The following ARID3A variants were observed in gnomAD, a reference collection of about 807,000 sequenced individuals.
The protein encoded by ARID3A is AT-rich interaction domain 3A, also known as AT-rich interactive domain-containing protein 3A.
A neutral mutation model predicts 52.7 loss-of-function variants in ARID3A; 11 were observed. The observed-to-expected ratio is 0.21, with a 90% CI of 0.13 to 0.35. The LOEUF (loss-of-function observed/expected upper bound fraction) is 0.35, where lower values mean the gene tolerates loss of function less well. ARID3A is among the 10% of genes least tolerant of loss of function. The pLI, the probability that ARID3A is intolerant of heterozygous loss-of-function variation, is 1.00. For missense variants in ARID3A, 721 were observed against 838.5 expected, an observed-to-expected ratio of 0.86 and a Z score of 1.73; for synonymous variants, 404 against 359.4, an observed-to-expected ratio of 1.12 and a Z score of -1.40.
Position 974,976 on chromosome 19 carries a change from G to A in ARID3A, c.*2911G>A. On this transcript the variant is annotated 3_prime_UTR_variant, in exon 9 of 9. Coordinates refer to ENST00000263620, the MANE Select transcript of ARID3A (RefSeq NM_005224.3). Reference sequence around the variant, plus strand: ...TGGGAGGCGGTTGCAGAGGGTCTATGGGGCCCGGTCCTGGATACTCGGCAG... The same window carrying A: ...TGGGAGGCGGTTGCAGAGGGTCTATAGGGCCCGGTCCTGGATACTCGGCAG... 1 of 232,398 alleles carries A rather than the reference G, an allele frequency of 4.3e-6. No individual in the cohort carries two copies. The highest frequency in any genetic ancestry group is 1.8e-4 in the South Asian group (1 of 5,522). The allele number at this position is 232,398 out of a possible 1,614,324, so 14.4% of individuals were successfully genotyped here. A position where few individuals can be genotyped will look rare whatever the true frequency, so the allele number is the denominator to read the frequency against.
At chr19:931,186 C>A (rs2037319614) in intron 2 of ARID3A, among the ~76,000 whole-genome samples, 1 of 151,966 alleles carries the variant, frequency 6.6e-6, no homozygotes, top group African/African-American at 2.4e-5. Context: ...CCCAGCTACT[C>A]GAGAGGCCGA....
chr19:975,823 A>G lies in ARID3A; in HGVS notation c.*3758A>G, dbSNP rs1257251540. 1 of 193,038 alleles carries G rather than the reference A, an allele frequency of 5.2e-6. No homozygotes were observed. The allele number at this position is 193,038 out of a possible 1,614,324, so 12.0% of individuals were successfully genotyped here. ...AGAACACTGAAAGTTTACATTTTAT[A>G]GTAACATTATTATGCAGATTGTATT... On this transcript the variant is annotated 3_prime_UTR_variant, in exon 9 of 9. Transcript: ENST00000263620.
chr19:948,606 G>A (rs111256306), intron 3 of ARID3A, among the ~76,000 whole-genome samples: 6 of 151,386 alleles, frequency 4.0e-5, no homozygotes, highest in Admixed American at 2.0e-4. Context: ...GCTCTGCTCC[G>A]TCTTCATTCC....
intron 3 of ARID3A, among the ~76,000 whole-genome samples, chr19:951,733 T>C (rs1261783648): frequency 6.6e-6 from 1 of 152,194 alleles, no homozygotes; most frequent in Non-Finnish European, 1.5e-5. Flanking sequence ...GACTCAGATC[T>C]ATTGCTGCTG....
intron 3 of ARID3A, among the ~76,000 whole-genome samples, chr19:943,654 G>A (rs1568361743): frequency 2.0e-5 from 3 of 152,208 alleles, no homozygotes; most frequent in Non-Finnish European, 2.9e-5. Context: ...AGGCTGGAGC[G>A]ATGTGGCCAC....
rs751906224 is a variant in ARID3A at position 972,341 on chromosome 19, G to T, written c.*276G>T. 3.7e-5 allele frequency: 8 copies of T among 216,474 alleles called. No homozygotes were observed. The highest frequency in any genetic ancestry group is 4.6e-5 in the Non-Finnish European group (5 of 107,872). The allele number at this position is 216,474 out of a possible 1,614,324, so 13.4% of individuals were successfully genotyped here. On this transcript the variant is annotated 3_prime_UTR_variant, in exon 9 of 9. Coordinates refer to ENST00000263620, the MANE Select transcript of ARID3A (RefSeq NM_005224.3). ...TTGGACATTCAGAGAGATGAATTGT[G>T]AGAACAGCAAAGAAATCCATCAGAA...
rs1181396793 is a variant in ARID3A at position 966,736 on chromosome 19, T to G, written c.1363T>G (p.Ser455Ala). 2 of 1,612,438 alleles carry G rather than the reference T, an allele frequency of 1.2e-6. No individual in the cohort carries two copies. The highest frequency in any genetic ancestry group is 1.7e-6 in the Non-Finnish European group (2 of 1,179,760). ...GGAACAGCTGCGGGAGAAGCTGGAG[T>G]CTGCAGAGCCTCCGGAGAAGAAGAT... ...ALEQLREKLE[S>A]AEPPEKKMAL... is the part of the protein sequence containing the mutation. The change falls in exon 7 of 9, where the codon TCT (serine) becomes GCT (alanine). Residue 455 changes from serine to alanine, a missense_variant. Ser to Ala is a moderately conservative substitution (Grantham distance 99). Transcript: ENST00000263620.
At position 968,421 on chromosome 19, in the gene ARID3A, G is replaced by C; in HGVS notation, c.1512G>C (p.Gln504His). 3.1e-6 allele frequency: 5 copies of C among 1,613,964 alleles called. No homozygotes were observed. Among genetic ancestry groups the C allele is most frequent in the Non-Finnish European group, 4.2e-6 (5 of 1,179,906 alleles). Residue 504 changes from glutamine to histidine, a missense_variant, in exon 8 of 9, where the codon CAG becomes CAC. Transcript: ENST00000263620. ...RINSQASESR[Q>H]DSAVNLTGTN... Reference sequence around the variant, plus strand: ...TTCCCACAGCCTCCGAAAGCCGCCAGGACTCTGCTGTGAACCTGACGGGCA... The same window carrying C: ...TTCCCACAGCCTCCGAAAGCCGCCACGACTCTGCTGTGAACCTGACGGGCA...
At position 959,771 on chromosome 19, in the gene ARID3A, G is replaced by A. The variant is rs1232616442; in HGVS notation, c.694-321G>A. ...AGACGGAGGCAGAGACTGGAGCGCT[G>A]CGGCCACAAGCCAGGACGCACCTTG... On this transcript the variant is annotated intron_variant, in intron 3 of 8. Coordinates refer to ENST00000263620, the MANE Select transcript of ARID3A (RefSeq NM_005224.3). This position sits in a 1 kb window ranked among gnomAD's most constrained non-coding sequence, Gnocchi z 5.0. 6.6e-6 allele frequency among the ~76,000 whole-genome samples: 1 copy of A among 152,148 alleles called. No individual in the cohort carries two copies. Among genetic ancestry groups the A allele is most frequent in the East Asian group, 1.9e-4 (1 of 5,190 alleles).
intron 8 of ARID3A, among the ~76,000 whole-genome samples, chr19:969,095 T>A (rs2038224150): frequency 6.6e-6 from 1 of 152,106 alleles, no homozygotes; most frequent in Non-Finnish European, 1.5e-5. Context: ...GAAAAAAAAT[T>A]TAATGAATGT....
At chr19:970,018 A>G (rs1402887764) in intron 8 of ARID3A, among the ~76,000 whole-genome samples, 7 of 152,034 alleles carry the variant, frequency 4.6e-5, no homozygotes, top group Admixed American at 4.6e-4. Flanking sequence ...TTTTAAATAA[A>G]ATGAATTAAA....
Position 929,784 on chromosome 19 carries a change from C to G in ARID3A, c.256C>G (p.Pro86Ala), listed in dbSNP as rs774786700. 38 of 1,550,222 alleles carry G rather than the reference C, an allele frequency of 2.5e-5. No homozygotes were observed. The highest frequency in any genetic ancestry group is 3.1e-5 in the Non-Finnish European group (36 of 1,152,326). Reference protein sequence around the residue: ...ASPGGSEDGPPGSEEEDAARE... With the variant: ...ASPGGSEDGPAGSEEEDAARE... ...CCCCGGCGGCTCTGAGGATGGGCCC[C>G]CAGGCTCGGAGGAGGAGGACGCGGC... The change falls in exon 2 of 9, where the codon CCA becomes GCA. Residue 86 changes from proline (P) to alanine (A), a missense_variant. Pro to Ala is a conservative substitution (Grantham distance 27, BLOSUM62 -1). Around this residue, in one of 5 missense-constraint regions of ARID3A, gnomAD observed 349 missense variants for 297.3 expected, o/e 1.17. Transcript: ENST00000263620. The surrounding 1 kb of genome is among the most constrained non-coding windows in gnomAD (Gnocchi z 6.2).
rs1417969087 is a variant in ARID3A at position 944,980 on chromosome 19, C to T, written c.693+12238C>T. ...TCCACCACGTCGCCCTGTAATTCTT[C>T]CCTGACGGCCATTTTTCCGGGAGTG... On this transcript the variant is annotated intron_variant, in intron 3 of 8. Transcript: ENST00000263620. The surrounding 1 kb of genome is among the most constrained non-coding windows in gnomAD (Gnocchi z 5.9). Among the ~76,000 whole-genome samples the T allele has an allele frequency of 6.6e-6, 1 of 152,194 alleles. No homozygotes were observed. The highest frequency in any genetic ancestry group is 1.5e-5 in the Non-Finnish European group (1 of 68,032).
Position 929,464 on chromosome 19 carries a change from C to G in ARID3A, c.-65C>G. On this transcript the variant is annotated 5_prime_UTR_variant, in exon 2 of 9. Coordinates refer to ENST00000263620, the MANE Select transcript of ARID3A (RefSeq NM_005224.3). The surrounding 1 kb of genome is among the most constrained non-coding windows in gnomAD (Gnocchi z 6.2). The stretch of plus-strand genomic sequence containing the variant: ...CCCTCCCCGCAGGGGCCGCCCCCGC[C>G]GCCCACCCCTAGCGCCCGTGGTGGT... 7.1e-7 allele frequency: 1 copy of G among 1,412,468 alleles called. No homozygotes were observed. The highest frequency in any genetic ancestry group is 2.6e-4 in the Middle Eastern group (1 of 3,800). The allele number at this position is 1,412,468 out of a possible 1,614,324, so 87.5% of individuals were successfully genotyped here. A position where few individuals can be genotyped will look rare whatever the true frequency, so the allele number is the denominator to read the frequency against.
chr19:966,826 A>G lies in ARID3A; in HGVS notation c.1453A>G (p.Met485Val). The G allele has an allele frequency of 6.2e-7, 1 of 1,613,292 alleles. No individual in the cohort carries two copies. The highest frequency in any genetic ancestry group is 8.5e-7 in the Non-Finnish European group (1 of 1,179,756). Residue 485 changes from methionine to valine, a missense_variant, in exon 7 of 9, where the codon ATG becomes GTG. Physicochemically the swap from Met to Val is conservative, Grantham distance 21. Coordinates refer to ENST00000263620, the MANE Select transcript of ARID3A (RefSeq NM_005224.3). ...TGCACTCCAGCAGAACTTCCTGGCC[A>G]TGGCGGCCCAGCTGCCCATGAGCAT... ...QRALQQNFLA[M>V]AAQLPMSIRI...
Position 964,594 on chromosome 19 carries a change from G to A in ARID3A, c.950+163G>A, listed in dbSNP as rs147179655. Among the ~76,000 whole-genome samples, 441 of 152,274 alleles carry A rather than the reference G, an allele frequency of 2.9e-3. 3 individuals are homozygous for A. The highest frequency in any genetic ancestry group is 0.01 in the African/African-American group (420 of 41,556). On this transcript the variant is annotated intron_variant, in intron 5 of 8. Transcript: ENST00000263620. The surrounding 1 kb of genome is among the most constrained non-coding windows in gnomAD (Gnocchi z 5.7). ...CACCGTGCGTCCAGGGCCCGAGAGC[G>A]TCAAGTAGGGGTGCGAGGACCACAC... is the stretch of plus-strand genomic sequence containing the variant.
At position 944,957 on chromosome 19, in the gene ARID3A, C is replaced by T. The variant is rs954383854; in HGVS notation, c.693+12215C>T. ...TCTCTGCCACCCGCCCCGTCCCTTC[C>T]ACCACGTCGCCCTGTAATTCTTCCC... On this transcript the variant is annotated intron_variant, in intron 3 of 8. Coordinates refer to ENST00000263620, the MANE Select transcript of ARID3A (RefSeq NM_005224.3). This position sits in a 1 kb window ranked among gnomAD's most constrained non-coding sequence, Gnocchi z 5.9. 6.6e-6 allele frequency among the ~76,000 whole-genome samples: 1 copy of T among 152,194 alleles called. No individual in the cohort carries two copies. Among genetic ancestry groups the T allele is most frequent in the African/African-American group, 2.4e-5 (1 of 41,452 alleles).
intron 6 of ARID3A, among the ~76,000 whole-genome samples, chr19:965,954 T>C (rs1390862501): frequency 6.9e-6 from 1 of 144,602 alleles, no homozygotes; most frequent in Non-Finnish European, 1.5e-5. Flanking sequence ...ATCACGTCAC[T>C]GCATTCCAGC....
rs577213370 is a variant in ARID3A, at chr19:932,300, C to T, written c.369-118C>T. 9.1e-6 allele frequency: 14 copies of T among 1,532,990 alleles called. No individual in the cohort carries two copies. The East Asian group carries it at 1.9e-4, about 21-fold the overall frequency. 95.0% of individuals were successfully genotyped at this position (1,532,990 alleles called of 1,614,324 possible). A position where few individuals can be genotyped will look rare whatever the true frequency, so the allele number is the denominator to read the frequency against. On this transcript the variant is annotated intron_variant, in intron 2 of 8. Coordinates refer to ENST00000263620, the MANE Select transcript of ARID3A (RefSeq NM_005224.3). ...CGCTCTCTGCAGTCTGAGCTGGCGG[C>T]GGCCGGCTCTTCCTATTTCCAGAGA...
Sources: allele counts gnomAD v4.1 joint callset (sites outside exome capture counted in the v4.1 genomes callset), GRCh38; gene constraint gnomAD v4.1.1; regional missense constraint gnomAD v4.1.1; non-coding constraint Gnocchi (gnomAD v3.1); transcripts MANE v1.5; gene names NCBI Gene and HGNC (gene_info 2026-07-23, HGNC 2026-07-21).